THSD4: variants seen among roughly 807,000 people sequenced by gnomAD.
THSD4 encodes the protein thrombospondin type 1 domain containing 4, also known as thrombospondin type-1 domain-containing protein 4.
A neutral mutation model predicts 119.0 loss-of-function variants in THSD4; 69 were observed. That is an observed-to-expected ratio of 0.58 (90% confidence interval 0.48 to 0.71). The LOEUF (loss-of-function observed/expected upper bound fraction) is 0.71, where lower values mean the gene tolerates loss of function less well. THSD4 is among the 30% of genes least tolerant of loss of function. The pLI is 0.00. For synonymous variants in THSD4, 524 were observed against 540.4 expected (o/e 0.97, Z 0.42); for missense variants, 1,393 against 1,391.1 (o/e 1.00, Z -0.02).
chr15:71,311,550 A>T (rs2045111254), intron 6 of THSD4, among the ~76,000 whole-genome samples: 1 of 152,160 alleles, frequency 6.6e-6, no homozygotes, highest in Admixed American at 6.5e-5. Flanking sequence ...CCGGGGTTTC[A>T]TGGTGCAGTT....
intron 3 of THSD4, among the ~76,000 whole-genome samples, chr15:71,207,261 C>A (rs1031959554): frequency 1.7e-4 from 26 of 152,198 alleles, no homozygotes; most frequent in Non-Finnish European, 4.4e-5. Context: ...CTCCTGTGAG[C>A]CTCTGATTCA....
intron 7 of THSD4, among the ~76,000 whole-genome samples, chr15:71,560,437 G>T (rs2049094764): frequency 6.6e-6 from 1 of 152,196 alleles, no homozygotes; most frequent in African/African-American, 2.4e-5. Context: ...AAATAGGTTA[G>T]TGAGGGCTAA....
Position 71,781,263 on chromosome 15 carries a change from T to C in THSD4, c.*3889T>C, listed in dbSNP as rs963896084. The C allele has an allele frequency of 1.1e-4, 17 of 156,224 alleles. No homozygotes were observed. Among genetic ancestry groups the C allele is most frequent in the Admixed American group, 1.1e-3 (17 of 16,050 alleles). 9.7% of individuals were successfully genotyped at this position (156,224 alleles called of 1,614,324 possible). The stretch of plus-strand genomic sequence containing the variant: ...TAGAATAAAACTTGGATGTTAAAAA[T>C]TCACCAGGAATCCACATAAAGTACT... On this transcript the variant is annotated 3_prime_UTR_variant, in exon 18 of 18. Transcript: ENST00000261862.
chr15:71,427,299 G>A (rs2046884313), intron 7 of THSD4, among the ~76,000 whole-genome samples: 1 of 151,950 alleles, frequency 6.6e-6, no homozygotes, highest in African/African-American at 2.4e-5. Context: ...GATGAACACA[G>A]TTTCTACTCA....
At chr15:71,360,399 T>C (rs111762116) in intron 6 of THSD4, among the ~76,000 whole-genome samples, 1,712 of 152,264 alleles carry the variant, frequency 0.011, 14 homozygotes, top group Non-Finnish European at 0.017. Flanking sequence ...TTCAACACGA[T>C]GGGTTACTCG....
intron 6 of THSD4, among the ~76,000 whole-genome samples, chr15:71,372,040 C>A (rs2046058175): frequency 6.6e-6 from 1 of 152,200 alleles, no homozygotes; most frequent in Non-Finnish European, 1.5e-5. Context: ...GATCTTCAGT[C>A]ACTGATAACC....
chr15:71,705,784 A>G (rs770967183), intron 8 of THSD4, among the ~76,000 whole-genome samples: 1 of 152,260 alleles, frequency 6.6e-6, no homozygotes, highest in Non-Finnish European at 1.5e-5. Flanking sequence ...AAAAAGCGCA[A>G]GACATGAACT....
intron 6 of THSD4, among the ~76,000 whole-genome samples, chr15:71,301,732 A>G (rs1356602832): frequency 2.0e-5 from 3 of 152,208 alleles, no homozygotes; most frequent in Non-Finnish European, 4.4e-5. Context: ...CTCCGGTAAT[A>G]TGAGATTTGA....
intron 7 of THSD4, among the ~76,000 whole-genome samples, chr15:71,415,067 C>T (rs949086004): frequency 4.6e-5 from 7 of 152,244 alleles, no homozygotes; most frequent in African/African-American, 1.7e-4. Context: ...TGACTTGTGG[C>T]TGAGAAAGCT....
At chr15:71,275,309 T>A (rs2044577367) in intron 6 of THSD4, among the ~76,000 whole-genome samples, 1 of 152,222 alleles carries the variant, frequency 6.6e-6, no homozygotes, top group Admixed American at 6.5e-5. Context: ...TGTTTTTACA[T>A]CAAGACTACT....
intron 7 of THSD4, among the ~76,000 whole-genome samples, chr15:71,474,323 G>A (rs888795965): frequency 6.6e-5 from 10 of 151,942 alleles, no homozygotes; most frequent in Non-Finnish European, 1.5e-4. Context: ...GGGTTCAAGC[G>A]ATTCCCCTGC....
intron 7 of THSD4, among the ~76,000 whole-genome samples, chr15:71,442,654 G>GTGTGTGTGTATGTA (rs1555414307): frequency 4.9e-5 from 1 of 20,604 alleles, no homozygotes; most frequent in Non-Finnish European, 1.6e-4. Flanking sequence ...ATGTGTGTGT[G>GTGTGTGTGTATGTA]TGTGTGTATA....
At chr15:71,609,851 CAAAAAAAAAAAAAAAAGAA>C (rs2050189234) in intron 7 of THSD4, among the ~76,000 whole-genome samples, 1 of 115,592 alleles carries the variant, frequency 8.7e-6, no homozygotes, top group Admixed American at 9.5e-5. Flanking sequence ...GACTCCGTCT[CAAAAAAAAAAAAAAAAGAA>C]AAAAAGAAAA....
intron 6 of THSD4, among the ~76,000 whole-genome samples, chr15:71,375,623 C>T (rs1454916627): frequency 1.3e-5 from 2 of 152,114 alleles, no homozygotes; most frequent in East Asian, 3.9e-4. Context: ...TGGAAGGGGT[C>T]ATTTGAAGCC....
At chr15:71,375,492 A>G (rs990271218) in intron 6 of THSD4, among the ~76,000 whole-genome samples, 1 of 152,094 alleles carries the variant, frequency 6.6e-6, no homozygotes, top group African/African-American at 2.4e-5. Context: ...ACTCTTCCCC[A>G]GCCCCCTACT....
chr15:71,556,250 A>T (rs747605548), intron 7 of THSD4, among the ~76,000 whole-genome samples: 1 of 152,190 alleles, frequency 6.6e-6, no homozygotes, highest in Non-Finnish European at 1.5e-5. Context: ...TCTGACATTG[A>T]GCCATTCTAT....
chr15:71,717,256 T>C (rs1396289082), intron 8 of THSD4, among the ~76,000 whole-genome samples: 3 of 152,196 alleles, frequency 2.0e-5, no homozygotes, highest in Non-Finnish European at 4.4e-5. Flanking sequence ...GCCTAGGGGA[T>C]TGGCTAAGTA....
At chr15:71,368,920 T>C (rs2046005207) in intron 6 of THSD4, among the ~76,000 whole-genome samples, 1 of 152,362 alleles carries the variant, frequency 6.6e-6, no homozygotes, top group Admixed American at 6.5e-5. Flanking sequence ...TCCAGGAGCA[T>C]GGAATGTTCT....
At chr15:71,672,889 CA>C (rs2051561647) in intron 8 of THSD4, among the ~76,000 whole-genome samples, 2 of 152,184 alleles carry the variant, frequency 1.3e-5, no homozygotes, top group South Asian at 4.2e-4. Context: ...ATTCGGTTTG[CA>C]AGTATTTTAT....
Sources: gnomAD v4.1 joint callset for allele counts (sites outside exome capture counted in the v4.1 genomes callset) on GRCh38, gnomAD v4.1.1 for gene constraint, MANE v1.5 for transcripts, NCBI Gene and HGNC (gene_info 2026-07-23, HGNC 2026-07-21) for gene names.